Variants in C6 observed in about 807,000 individuals in gnomAD.
C6 encodes the protein complement component C6.
In C6, 101 loss-of-function variants were observed where a neutral mutation model predicts 112.9. The ratio of observed to expected loss-of-function variants is 0.89; its 90% CI spans 0.76 to 1.06. The LOEUF (loss-of-function observed/expected upper bound fraction) is 1.06, where lower values mean the gene tolerates loss of function less well. Among genes scored for constraint, C6 ranks in the 50% least tolerant of loss-of-function variants. The pLI is 0.00. For missense variants in C6, 1,202 were observed against 1,104.6 expected, an observed-to-expected ratio of 1.09 and a Z score of -1.25; for synonymous variants, 431 against 384.1, an observed-to-expected ratio of 1.12 and a Z score of -1.43.
chr5:41,253,520 T>C (rs969244296), intron 1 of C6, among the ~76,000 whole-genome samples: 3 of 152,212 alleles, frequency 2.0e-5, no homozygotes, highest in African/African-American at 7.2e-5. Flanking sequence ...CCTCCTTTTC[T>C]TGAGGCCTAA....
rs187400204 is a variant in C6, at chr5:41,219,171, A to G, written c.-20-15921T>C. Among the ~76,000 whole-genome samples, 173 of 152,258 alleles carry G rather than the reference A, an allele frequency of 1.1e-3. 4 individuals are homozygous for G. Among genetic ancestry groups the G allele is most frequent in the Admixed American group, 0.011 (169 of 15,272 alleles). Reference sequence around the variant, plus strand: ...ATGCCAGCCCTGAGCCTGATGCACAATTATGTCACACAATCTCCAGCAAAT... The same window carrying G: ...ATGCCAGCCCTGAGCCTGATGCACAGTTATGTCACACAATCTCCAGCAAAT... On this transcript the variant is annotated intron_variant, in intron 1 of 17. Coordinates refer to the C6 transcript ENST00000263413.
At chr5:41,202,007 C>G (rs1209362028) in intron 2 of C6, among the ~76,000 whole-genome samples, 3 of 152,060 alleles carry the variant, frequency 2.0e-5, no homozygotes. Flanking sequence ...AAGTGTGGGG[C>G]CTGTGTGGCT....
chr5:41,162,261 T>G (rs1747590465), intron 9 of C6, among the ~76,000 whole-genome samples: 1 of 152,216 alleles, frequency 6.6e-6, no homozygotes, highest in Non-Finnish European at 1.5e-5. Flanking sequence ...CCCCTTACTC[T>G]TTAATGTCAA....
chr5:41,201,416 T>C, intron 3 of C6, 142 bp downstream of exon 3: 1 of 837,430 alleles, frequency 1.2e-6, no homozygotes, highest in South Asian at 1.6e-5. Flanking sequence ...AAGTGCTAAA[T>C]GGAATTTTCC....
At chr5:41,166,893 G>A (rs1420311972) in intron 9 of C6, among the ~76,000 whole-genome samples, 1 of 152,070 alleles carries the variant, frequency 6.6e-6, no homozygotes, top group Non-Finnish European at 1.5e-5. Flanking sequence ...TAACACTTAA[G>A]CAATGCAGAA....
At chr5:41,254,537 A>C (rs1191946720) in intron 1 of C6, among the ~76,000 whole-genome samples, 1 of 152,240 alleles carries the variant, frequency 6.6e-6, no homozygotes, top group African/African-American at 2.4e-5. Context: ...CTTATAGATT[A>C]TATCACCAGC....
chr5:41,257,784 C>T (rs933220944), intron 1 of C6, among the ~76,000 whole-genome samples: 1 of 152,076 alleles, frequency 6.6e-6, no homozygotes, highest in Non-Finnish European at 1.5e-5. Context: ...CTCCCAGCCC[C>T]CTCATGCTGA....
chr5:41,153,658 C>T (rs1236673649), intron 15 of C6, 152 bp downstream of exon 15: 1 of 628,352 alleles, frequency 1.6e-6, no homozygotes, highest in African/African-American at 1.8e-5. Context: ...ATTAGCAGAG[C>T]TATTGCATAG....
intron 1 of C6, among the ~76,000 whole-genome samples, chr5:41,240,687 G>A (rs1349424058): frequency 6.6e-6 from 1 of 152,158 alleles, no homozygotes; most frequent in East Asian, 1.9e-4. Flanking sequence ...AGGCTTTCAG[G>A]CAGCATGCTT....
intron 17 of C6, among the ~76,000 whole-genome samples, chr5:41,146,087 T>G (rs1745793101): frequency 6.6e-6 from 1 of 152,176 alleles, no homozygotes; most frequent in South Asian, 2.1e-4. Flanking sequence ...CTAATGTTAC[T>G]CCTCCAAAAA....
chr5:41,165,288 CTATT>C (rs1378555576), intron 9 of C6, among the ~76,000 whole-genome samples: 6 of 152,062 alleles, frequency 3.9e-5, no homozygotes, highest in African/African-American at 1.4e-4. Context: ...TGGCGCATAT[CTATT>C]AGTAGAGTTT....
intron 13 of C6, 130 bp from the exon 14 acceptor site, chr5:41,155,234 C>A: frequency 1.2e-6 from 1 of 806,300 alleles, no homozygotes; most frequent in Admixed American, 2.6e-5. Context: ...TCAATTTCTA[C>A]TTCTAAAAAC....
At chr5:41,240,242 A>G (rs1030010146) in intron 1 of C6, among the ~76,000 whole-genome samples, 49 of 152,038 alleles carry the variant, frequency 3.2e-4, no homozygotes, top group African/African-American at 1.2e-3. Context: ...GGAAACAGGG[A>G]CACCAGTCCA....
At position 41,186,132 on chromosome 5, in the gene C6, T is replaced by G; in HGVS notation, c.664A>C (p.Lys222Gln). ...TATGGATTACTTGTCCTACTGCTTT[T>G]GACAGTTTTACATATTCCTCCAGTG... Reference protein sequence around the residue: ...SFTGGICKTVKSSRTSNPYRV... With the variant: ...SFTGGICKTVQSSRTSNPYRV... The change falls in exon 6 of 18, where the codon AAA becomes CAA. Residue 222 changes from lysine to glutamine, a missense_variant. Transcript: ENST00000337836. 2 of 1,614,002 alleles carry G rather than the reference T, an allele frequency of 1.2e-6. No individual in the cohort carries two copies. Among genetic ancestry groups the G allele is most frequent in the African/African-American group, 2.7e-5 (2 of 75,060 alleles).
At chr5:41,260,876 C>T (rs1029594473) in intron 1 of C6, among the ~76,000 whole-genome samples, 1 of 151,436 alleles carries the variant, frequency 6.6e-6, no homozygotes, top group Non-Finnish European at 1.5e-5. Flanking sequence ...TAAGGAGAAA[C>T]AGAATGAATG....
chr5:41,176,768 T>C (rs1432874378), intron 7 of C6, 53 bp from the exon 8 acceptor site: 1 of 1,493,838 alleles, frequency 6.7e-7, no homozygotes, highest in Non-Finnish European at 9.2e-7. Flanking sequence ...AAGTTTGAAG[T>C]ACCTAGCATT....
intron 17 of C6, among the ~76,000 whole-genome samples, chr5:41,148,316 G>T (rs1052570132): frequency 4.5e-4 from 68 of 152,248 alleles, no homozygotes; most frequent in Non-Finnish European, 7.1e-4. Flanking sequence ...ACAGTTCCAT[G>T]ACATAGTAAG....
chr5:41,201,439 T>C, intron 3 of C6, 119 bp downstream of exon 3: 1 of 1,011,496 alleles, frequency 9.9e-7, no homozygotes. Context: ...CAATGGAAGC[T>C]GAGACAGTTG....
chr5:41,151,726 G>T (rs950601030), intron 15 of C6, among the ~76,000 whole-genome samples: 4 of 152,096 alleles, frequency 2.6e-5, no homozygotes, highest in Non-Finnish European at 5.9e-5. Flanking sequence ...TCCAAGCACT[G>T]GCAGGAGCCT....
Sources: allele counts gnomAD v4.1 joint callset (sites outside exome capture counted in the v4.1 genomes callset), GRCh38; gene constraint gnomAD v4.1.1; transcripts MANE v1.5; gene names NCBI Gene and HGNC (gene_info 2026-07-23, HGNC 2026-07-21).